The following ST3GAL3 variants were observed in gnomAD, a reference collection of about 807,000 sequenced individuals.
ST3GAL3 encodes the protein CMP-N-acetylneuraminate-beta-1,4-galactoside alpha-2,3-sialyltransferase.
Under a neutral mutation model 50.1 loss-of-function variants are expected in ST3GAL3, and 21 were observed. The ratio of observed to expected loss-of-function variants is 0.42; its 90% confidence interval spans 0.30 to 0.60. The LOEUF (loss-of-function observed/expected upper bound fraction) is 0.60, where lower values mean the gene tolerates loss of function less well. Ranked by LOEUF, ST3GAL3 falls within the 20% of genes least tolerant of loss-of-function variation. ST3GAL3 has a pLI of 0.19. For missense variants in ST3GAL3, 353 were observed against 489.4 expected (o/e 0.72, Z 2.63); for synonymous variants, 183 against 190.0 (o/e 0.96, Z 0.30).
At chr1:43,816,381 G>GT (rs2061253197) in intron 4 of ST3GAL3, among the ~76,000 whole-genome samples, 1 of 152,168 alleles carries the variant, frequency 6.6e-6, no homozygotes, top group African/African-American at 2.4e-5. Context: ...AGGAAAAAGT[G>GT]TGTGTTCTGT....
chr1:43,885,069 G>A (rs2075751221), intron 5 of ST3GAL3, among the ~76,000 whole-genome samples: 1 of 152,172 alleles, frequency 6.6e-6, no homozygotes, highest in African/African-American at 2.4e-5. Flanking sequence ...CACCTTATAC[G>A]CTGCACCTTA....
chr1:43,857,574 TCCTTCCTCCCTC>T (rs1367073019), intron 5 of ST3GAL3, among the ~76,000 whole-genome samples: 25 of 72,808 alleles, frequency 3.4e-4, no homozygotes, highest in African/African-American at 5.1e-4. Context: ...CTTCTTTCTT[TCCTTCCTCCCTC>T]CCTTCCTTCC....
chr1:43,793,252 TAGTG>T (rs1558322494), intron 3 of ST3GAL3, among the ~76,000 whole-genome samples: 1 of 152,126 alleles, frequency 6.6e-6, no homozygotes, highest in African/African-American at 2.4e-5. Flanking sequence ...TATGGGTACA[TAGTG>T]GGTGTATATA....
intron 5 of ST3GAL3, among the ~76,000 whole-genome samples, chr1:43,878,823 G>C (rs1487899372): frequency 6.6e-6 from 1 of 152,198 alleles, no homozygotes; most frequent in Non-Finnish European, 1.5e-5. Flanking sequence ...GTGGAAGGCA[G>C]ATCTCTGATC....
Position 43,893,656 on chromosome 1 carries a change from C to T in ST3GAL3, c.303-727C>T, listed in dbSNP as rs187685562. ...CAGCATCACTTCACCCTCCTTCTCTCGCCTTTGCCCCCATCTCCTCTCCAG... is the reference window on the plus strand; with the variant it reads ...CAGCATCACTTCACCCTCCTTCTCTTGCCTTTGCCCCCATCTCCTCTCCAG... On this transcript the variant is annotated intron_variant, in intron 5 of 11. Transcript: ENST00000347631. Among the ~76,000 whole-genome samples, 323 of 152,278 alleles carry T rather than the reference C, an allele frequency of 2.1e-3. 3 individuals are homozygous for T. Among genetic ancestry groups the T allele is most frequent in the Non-Finnish European group, 4.0e-4 (27 of 68,014 alleles).
chr1:43,831,598 A>G (rs1487245441), intron 4 of ST3GAL3: 2 of 152,202 alleles, frequency 1.3e-5, no homozygotes, highest in African/African-American at 2.4e-5. Context: ...ACTCAATGCC[A>G]TGGCTTTTTG....
chr1:43,725,010 G>A (rs764164622), intron 1 of ST3GAL3, among the ~76,000 whole-genome samples: 10 of 152,158 alleles, frequency 6.6e-5, no homozygotes, highest in East Asian at 3.9e-4. Context: ...TCTGTGTTTC[G>A]GTGTCCTCGC....
At chr1:43,781,385 G>A (rs1245352298) in intron 2 of ST3GAL3, among the ~76,000 whole-genome samples, 2 of 151,974 alleles carry the variant, frequency 1.3e-5, no homozygotes, top group East Asian at 1.9e-4. Context: ...GGGAGGCAGC[G>A]GATCATTTGA....
chr1:43,809,351 C>T (rs181722903), intron 3 of ST3GAL3, among the ~76,000 whole-genome samples: 8 of 152,140 alleles, frequency 5.3e-5, no homozygotes, highest in South Asian at 4.2e-4. Context: ...AAATTAGACA[C>T]TGTAGAAGAA....
At chr1:43,921,878 C>T in intron 11 of ST3GAL3, 1 of 398,014 alleles carries the variant, frequency 2.5e-6, no homozygotes, top group Non-Finnish European at 4.4e-6. Context: ...CAGCTCCCAT[C>T]AAGGTCACCA....
chr1:43,755,758 G>A (rs78797814), intron 2 of ST3GAL3, among the ~76,000 whole-genome samples: 6,844 of 152,052 alleles, frequency 0.045, 211 homozygotes, highest in East Asian at 0.19. Flanking sequence ...ACAGACAAAG[G>A]TTTTTAAGGA....
chr1:43,787,995 C>G (rs934885425), intron 2 of ST3GAL3, among the ~76,000 whole-genome samples: 1 of 152,164 alleles, frequency 6.6e-6, no homozygotes, highest in Non-Finnish European at 1.5e-5. Context: ...AAGAACCTGC[C>G]ATCCTTTGGC....
Position 43,865,182 on chromosome 1 carries a change from A to AT in ST3GAL3, c.302+26880dup, listed in dbSNP as rs1290046328. The stretch of plus-strand genomic sequence containing the variant: ...CAGGCACCCACCACCACGCCCGGCT[A>AT]TTTTTTTTTGTATTTTTAATAGAGA... On this transcript the variant is annotated intron_variant, in intron 5 of 11. Transcript: ENST00000347631. Among the ~76,000 whole-genome samples the AT allele has an allele frequency of 1.2e-3, 174 of 149,846 alleles. 1 individual carries two copies. The highest frequency in any genetic ancestry group is 3.2e-3 in the African/African-American group (129 of 40,860).
chr1:43,906,041 C>G (rs930439099), intron 9 of ST3GAL3, among the ~76,000 whole-genome samples: 1 of 114,698 alleles, frequency 8.7e-6, no homozygotes, highest in African/African-American at 3.4e-5. Flanking sequence ...ACTCTTCCTC[C>G]CCCTCCCCCT....
chr1:43,844,831 A>G (rs1475533482), intron 5 of ST3GAL3, among the ~76,000 whole-genome samples: 3 of 152,106 alleles, frequency 2.0e-5, no homozygotes, highest in African/African-American at 7.2e-5. Context: ...CGTCTAAAAA[A>G]AAAAAAAAAG....
chr1:43,875,545 G>A (rs573992015), intron 5 of ST3GAL3, among the ~76,000 whole-genome samples: 2 of 152,154 alleles, frequency 1.3e-5, no homozygotes, highest in Non-Finnish European at 2.9e-5. Context: ...CTGGTGGGAA[G>A]TGATTGGATC....
chr1:43,802,972 G>A (rs759274471), intron 3 of ST3GAL3, among the ~76,000 whole-genome samples: 23 of 151,870 alleles, frequency 1.5e-4, no homozygotes, highest in South Asian at 6.2e-4. Flanking sequence ...TCACTCTGTC[G>A]CCCAGTGCAA....
intron 1 of ST3GAL3, among the ~76,000 whole-genome samples, chr1:43,722,229 G>A (rs1360051562): frequency 1.3e-5 from 2 of 152,104 alleles, no homozygotes; most frequent in African/African-American, 4.8e-5. Context: ...GAAGTGGTGG[G>A]GTCAGGAGGG....
chr1:43,897,202 G>A (rs1301251165), intron 6 of ST3GAL3, among the ~76,000 whole-genome samples: 1 of 151,614 alleles, frequency 6.6e-6, no homozygotes, highest in Non-Finnish European at 1.5e-5. Flanking sequence ...CTTTTTCAAC[G>A]CTCCACGCCT....
Sources: allele counts gnomAD v4.1 joint callset (sites outside exome capture counted in the v4.1 genomes callset), GRCh38; gene constraint gnomAD v4.1.1; transcripts MANE v1.5; gene names NCBI Gene and HGNC (gene_info 2026-07-23, HGNC 2026-07-21).